The following TTC6 variants were observed in gnomAD, a reference collection of about 807,000 sequenced individuals.
TTC6 encodes the protein tetratricopeptide repeat protein 6.
TTC6 carries 172 observed loss-of-function variants against 210.4 expected under a neutral mutation model. That is an observed-to-expected ratio of 0.82 (90% CI 0.72 to 0.93). TTC6 has a LOEUF of 0.93. TTC6 is among the 40% of genes least tolerant of loss of function. The pLI, the probability that TTC6 is intolerant of heterozygous loss-of-function variation, is 0.00. For missense variants in TTC6, 2,414 were observed against 2,318.1 expected, an observed-to-expected ratio of 1.04 and a Z score of -0.85; for synonymous variants, 804 against 819.6, an observed-to-expected ratio of 0.98 and a Z score of 0.32.
upstream of TTC6, among the ~76,000 whole-genome samples, chr14:37,617,369 A>G (rs1048697714): frequency 6.6e-6 from 1 of 152,178 alleles, no homozygotes; most frequent in African/African-American, 2.4e-5. Flanking sequence ...ACTGTTATAA[A>G]GGGCTGAGCT....
chr14:37,806,227 G>A (rs2096118276), intron 21 of TTC6, 134 bp from the exon 24 acceptor site: 1 of 907,400 alleles, frequency 1.1e-6, no homozygotes, highest in Non-Finnish European at 1.6e-6. Flanking sequence ...GGTCCATTAG[G>A]AGAAATGTAT....
At chr14:37,803,545 G>A (rs1205300976) in intron 20 of TTC6, among the ~76,000 whole-genome samples, 1 of 152,140 alleles carries the variant, frequency 6.6e-6, no homozygotes, top group Non-Finnish European at 1.5e-5. Context: ...AAATGGGTTG[G>A]AAGGCTTGAG....
chr14:37,636,074 C>T (rs2095680143), intron 1 of TTC6, among the ~76,000 whole-genome samples: 1 of 147,766 alleles, frequency 6.8e-6, no homozygotes. Context: ...ACCAGGAAGA[C>T]AAATCACAGT....
At chr14:37,751,141 G>A (rs565996852) in exon 13 of TTC6, 17 of 1,532,822 alleles carry the variant, frequency 1.1e-5, no homozygotes, top group African/African-American at 4.1e-5. Context: ...TTAAATCCAC[G>A]CCCACAGATG....
Position 37,721,746 on chromosome 14 carries a change from G to T in TTC6, c.1714-3152G>T, listed in dbSNP as rs2095862083. Among the ~76,000 whole-genome samples, 6 of 151,000 alleles carry T rather than the reference G, an allele frequency of 4.0e-5. 2 individuals carry two copies. In the South Asian group the frequency reaches 1.3e-3, roughly 32 times the overall value. ...CTCATTTAATCACATTAAATATTAA[G>T]ATGTGTGGAGATTGAATAAAATTAA... On this transcript the variant is annotated intron_variant, in intron 6 of 30. Transcript: ENST00000553443.
intron 29 of TTC6, among the ~76,000 whole-genome samples, chr14:37,831,154 T>G (rs969634030): frequency 1.3e-5 from 2 of 152,088 alleles, no homozygotes; most frequent in Admixed American, 1.3e-4. Context: ...TTTTTAAGCC[T>G]CCAAATATGA....
intron 2 of TTC6, among the ~76,000 whole-genome samples, chr14:37,610,002 T>C (rs2095631689): frequency 6.6e-6 from 1 of 152,160 alleles, no homozygotes; most frequent in South Asian, 2.1e-4. Flanking sequence ...TCAGCAACCA[T>C]TTTTGAACAC....
intron 3 of TTC6, among the ~76,000 whole-genome samples, chr14:37,684,394 C>T (rs1254301231): frequency 2.6e-5 from 4 of 152,100 alleles, no homozygotes; most frequent in Non-Finnish European, 1.5e-5. Context: ...CCACTGCTTC[C>T]AGGGACAAGG....
At chr14:37,724,697 C>G (rs1372860247) in intron 6 of TTC6, among the ~76,000 whole-genome samples, 3 of 152,124 alleles carry the variant, frequency 2.0e-5, no homozygotes, top group African/African-American at 7.2e-5. Context: ...CAAATTTCCC[C>G]AAGTCCTTAG....
At chr14:37,622,741 T>G (rs763881168) in exon 1 of TTC6, 169 of 1,534,890 alleles carry the variant, frequency 1.1e-4, no homozygotes, top group Middle Eastern at 1.8e-4. Context: ...AAAGTGAGGA[T>G]CCGCAGCAAC....
rs535181433 is a variant in TTC6 at position 37,727,351 on chromosome 14, T to C, written c.1818+2349T>C. 2.8e-3 allele frequency among the ~76,000 whole-genome samples: 399 copies of C among 144,272 alleles called. 1 individual carries two copies. Among genetic ancestry groups the C allele is most frequent in the Non-Finnish European group, 4.9e-3 (328 of 66,634 alleles). The allele number at this position is 144,272 out of a possible 152,430, so 94.6% of individuals were successfully genotyped here. On this transcript the variant is annotated intron_variant, in intron 7 of 30. Transcript: ENST00000553443. ...ACTTTATCACCAGGCTGGAGTGCAG[T>C]GGTGCGATCTTGGCTCACTGCAACC... is the stretch of plus-strand genomic sequence containing the variant.
intron 15 of TTC6, among the ~76,000 whole-genome samples, chr14:37,787,917 G>C (rs1435534642): frequency 6.6e-6 from 1 of 150,508 alleles, no homozygotes; most frequent in African/African-American, 2.5e-5. Context: ...GTGTGTGTGT[G>C]TGTGTGTTAA....
At chr14:37,816,276 C>T (rs1039624553) in intron 25 of TTC6, among the ~76,000 whole-genome samples, 2 of 152,186 alleles carry the variant, frequency 1.3e-5, no homozygotes, top group Admixed American at 6.5e-5. Flanking sequence ...AATACTCCCT[C>T]TTCCACCCCC....
intron 26 of TTC6, among the ~76,000 whole-genome samples, chr14:37,823,421 A>G (rs1019065006): frequency 2.0e-5 from 3 of 152,188 alleles, no homozygotes; most frequent in Non-Finnish European, 4.4e-5. Context: ...TATACTGGTA[A>G]TTGATACCTG....
intron 24 of TTC6, among the ~76,000 whole-genome samples, chr14:37,809,829 G>A (rs1008903188): frequency 6.6e-6 from 1 of 152,096 alleles, no homozygotes; most frequent in Non-Finnish European, 1.5e-5. Flanking sequence ...TTTTCAATGA[G>A]GATTCCTCAC....
chr14:37,688,906 G>GATATCTAC (rs2095798606), intron 3 of TTC6, among the ~76,000 whole-genome samples: 6 of 152,056 alleles, frequency 3.9e-5, no homozygotes, highest in Admixed American at 3.9e-4. Flanking sequence ...CCAAGACACA[G>GATATCTAC]ACAGATATCT....
intron 7 of TTC6, among the ~76,000 whole-genome samples, chr14:37,732,173 CTTTTTTTTTTTTTTT>C (rs61444309): frequency 3.5e-5 from 2 of 57,588 alleles, no homozygotes; most frequent in African/African-American, 1.4e-4. Context: ...GTACTGTATT[CTTTTTTTTTTTTTTT>C]TTTTTTTTTT....
intron 29 of TTC6, among the ~76,000 whole-genome samples, chr14:37,828,179 A>C (rs2139520607): frequency 6.6e-6 from 1 of 152,238 alleles, no homozygotes. Context: ...TGAAACAAAA[A>C]TGTTGGGTCA....
chr14:37,660,167 A>G (rs2139458868), intron 1 of TTC6, among the ~76,000 whole-genome samples: 1 of 151,168 alleles, frequency 6.6e-6, no homozygotes, highest in South Asian at 2.1e-4. Flanking sequence ...TCATCATGAA[A>G]TCTTTGGCCG....
Sources: gnomAD v4.1 joint callset for allele counts (sites outside exome capture counted in the v4.1 genomes callset) on GRCh38, gnomAD v4.1.1 for gene constraint, MANE v1.5 for transcripts, NCBI Gene and HGNC (gene_info 2026-07-23, HGNC 2026-07-21) for gene names.